The following OSBPL9 variants were observed in gnomAD, a reference collection of about 807,000 sequenced individuals.
OSBPL9 encodes the protein oxysterol binding protein like 9.
In OSBPL9, 40 loss-of-function variants were observed where a neutral mutation model predicts 106.6. The ratio of observed to expected loss-of-function variants is 0.38; its 90% confidence interval spans 0.29 to 0.49. OSBPL9 has a LOEUF of 0.49. OSBPL9 is among the 20% of genes least tolerant of loss of function. The pLI is 0.97. For missense variants in OSBPL9, 609 were observed against 887.2 expected (o/e 0.69, Z 3.98); for synonymous variants, 269 against 295.4 (o/e 0.91, Z 0.92).
intron 4 of OSBPL9, among the ~76,000 whole-genome samples, chr1:51,732,566 C>A (rs1664702202): frequency 6.6e-6 from 1 of 152,162 alleles, no homozygotes; most frequent in African/African-American, 2.4e-5. Flanking sequence ...TTTCCATCTT[C>A]CTTATTTTCC....
intron 16 of OSBPL9, 80 bp from the exon 17 acceptor site, chr1:51,782,479 A>C: frequency 6.3e-6 from 7 of 1,105,438 alleles, no homozygotes; most frequent in Non-Finnish European, 9.1e-6. Context: ...TAGAGCGAGC[A>C]GAGACCCCAA....
At chr1:51,673,324 A>G (rs141847587) in intron 3 of OSBPL9, among the ~76,000 whole-genome samples, 1 of 152,352 alleles carries the variant, frequency 6.6e-6, no homozygotes, top group East Asian at 1.9e-4. Context: ...ATTTTAAGAT[A>G]GGAGTGGAGA....
intron 1 of OSBPL9, among the ~76,000 whole-genome samples, chr1:51,590,032 C>CAA (rs941103745): frequency 0.02 from 963 of 49,236 alleles, 29 homozygotes; most frequent in African/African-American, 0.055. Context: ...GACTCCGTCT[C>CAA]AAAAAAAAAA....
At chr1:51,536,046 CT>C in the OSBPL9 span, among the ~76,000 whole-genome samples, 16 of 152,126 alleles carry the variant, frequency 1.1e-4, no homozygotes, top group Non-Finnish European at 2.4e-4. Flanking sequence ...GTAGTTACCC[CT>C]AATACCTTAA....
intron 1 of OSBPL9, among the ~76,000 whole-genome samples, chr1:51,651,434 C>T (rs925646770): frequency 1.3e-5 from 2 of 152,034 alleles, no homozygotes; most frequent in Non-Finnish European, 2.9e-5. Flanking sequence ...GAAACCCCGT[C>T]TCTATCAAAA....
chr1:51,781,048 G>C, intron 15 of OSBPL9, 116 bp from the exon 16 acceptor site: 1 of 785,858 alleles, frequency 1.3e-6, no homozygotes, highest in Non-Finnish European at 2.0e-6. Context: ...GCTAACTCCT[G>C]GTCCTAGGTC....
intron 4 of OSBPL9, chr1:51,725,030 C>A (rs1237399736): frequency 2.0e-5 from 3 of 151,366 alleles, no homozygotes; most frequent in African/African-American, 7.3e-5. Flanking sequence ...TTCTTCAGTT[C>A]TTTTCTCTGT....
At chr1:51,763,260 C>T (rs999081183) in intron 11 of OSBPL9, among the ~76,000 whole-genome samples, 1 of 152,188 alleles carries the variant, frequency 6.6e-6, no homozygotes, top group South Asian at 2.1e-4. Context: ...TCCACCTCCA[C>T]CTCCCAAAGT....
the OSBPL9 span, among the ~76,000 whole-genome samples, chr1:51,522,585 C>T: frequency 6.6e-6 from 1 of 152,142 alleles, no homozygotes; most frequent in Non-Finnish European, 1.5e-5. Context: ...AGCACTGGGT[C>T]ATATCCCAAA....
At chr1:51,642,297 C>T (rs1645852039) in intron 1 of OSBPL9, among the ~76,000 whole-genome samples, 1 of 152,050 alleles carries the variant, frequency 6.6e-6, no homozygotes, top group East Asian at 1.9e-4. Context: ...CAATATTCTC[C>T]TAGAATTTAA....
At chr1:51,785,617 T>G in intron 20 of OSBPL9, 191 bp from the exon 21 acceptor site, 1 of 557,856 alleles carries the variant, frequency 1.8e-6, no homozygotes, top group Middle Eastern at 4.0e-4. Context: ...GGATCTCAAG[T>G]TCATAAGCGT....
intron 2 of OSBPL9, among the ~76,000 whole-genome samples, chr1:51,606,942 C>G (rs897876500): frequency 2.6e-5 from 4 of 151,366 alleles, no homozygotes; most frequent in African/African-American, 9.7e-5. Context: ...CCCAGCTACT[C>G]GGGAGGCTGA....
At chr1:51,722,011 AT>A (rs1662218821) in intron 4 of OSBPL9, among the ~76,000 whole-genome samples, 1 of 152,252 alleles carries the variant, frequency 6.6e-6, no homozygotes. Flanking sequence ...CCTTGACTTT[AT>A]GGAACTAGTC....
intron 3 of OSBPL9, among the ~76,000 whole-genome samples, chr1:51,713,132 G>GT (rs985855801): frequency 8.6e-5 from 13 of 151,384 alleles, no homozygotes; most frequent in East Asian, 3.9e-4. Flanking sequence ...GGTTTTTTTT[G>GT]TTTTTTTATT....
At chr1:51,519,056 T>A in the OSBPL9 span, 5 of 464,740 alleles carry the variant, frequency 1.1e-5, no homozygotes, top group Non-Finnish European at 1.8e-5. Flanking sequence ...TCGCACCCGC[T>A]TTCCCTCACA....
chr1:51,761,207 G>A (rs867729185), intron 10 of OSBPL9, among the ~76,000 whole-genome samples: 5 of 151,592 alleles, frequency 3.3e-5, no homozygotes, highest in South Asian at 2.1e-4. Context: ...AAAGTGAAGA[G>A]GGAAATTTAT....
At chr1:51,643,955 C>T (rs1207072463) in intron 1 of OSBPL9, among the ~76,000 whole-genome samples, 1 of 151,706 alleles carries the variant, frequency 6.6e-6, no homozygotes, top group African/African-American at 2.4e-5. Flanking sequence ...TGGCACATGC[C>T]TGTAGTCCCA....
rs774789421 is a variant in OSBPL9 at position 51,696,400 on chromosome 1, AAAC to A, written c.242-17582_242-17580del. Among the ~76,000 whole-genome samples, 117 of 152,226 alleles carry A rather than the reference AAAC, an allele frequency of 7.7e-4. 3 individuals carry two copies. The highest frequency in any genetic ancestry group is 6.2e-3 in the East Asian group (32 of 5,184). On this transcript the variant is annotated intron_variant, in intron 3 of 23. Transcript: ENST00000428468. ...TCAGTGACTGAGCACAGTCCTCTAA[AAAC>A]AACAACAACAACAACAACAAAAAGC... is the stretch of plus-strand genomic sequence containing the variant.
Position 51,629,794 on chromosome 1 carries a change from C to T in OSBPL9, c.111+12573C>T, listed in dbSNP as rs567800674. ...TGAAACCCTGTCTCTACTAAAAATA[C>T]AAAAATTAGCTGGGTGTGGTGGTGT... On this transcript the variant is annotated intron_variant, in intron 1 of 23. Coordinates refer to ENST00000428468, the MANE Select transcript of OSBPL9 (RefSeq NM_024586.6). Among the ~76,000 whole-genome samples the T allele has an allele frequency of 3.3e-5, 5 of 152,008 alleles. No homozygotes were observed. The South Asian group carries it at 1.0e-3, about 32-fold the overall frequency.
Sources: gnomAD v4.1 joint callset for allele counts (sites outside exome capture counted in the v4.1 genomes callset) on GRCh38, gnomAD v4.1.1 for gene constraint, MANE v1.5 for transcripts, NCBI Gene and HGNC (gene_info 2026-07-23, HGNC 2026-07-21) for gene names.